Variants in AMPD2 observed in about 807,000 individuals in gnomAD.
The protein encoded by AMPD2 is adenosine monophosphate deaminase 2, also known as AMP deaminase 2.
A neutral mutation model predicts 91.3 loss-of-function variants in AMPD2; 52 were observed. That is an observed-to-expected ratio of 0.57 (90% CI 0.46 to 0.72). The LOEUF (loss-of-function observed/expected upper bound fraction) is 0.72, where lower values mean the gene tolerates loss of function less well. Ranked by LOEUF, AMPD2 falls within the 30% of genes least tolerant of loss-of-function variation. The probability of loss-of-function intolerance (pLI) is 0.00; values close to 1 mark genes in which losing one functional copy is unlikely to be tolerated. For synonymous variants in AMPD2, 455 were observed against 456.4 expected (o/e 1.00, Z 0.04); for missense variants, 822 against 1,122.3 (o/e 0.73, Z 3.82).
At chr1:109,622,090 TTGA>T in intron 2 of AMPD2, 1 of 406,670 alleles carries the variant, frequency 2.5e-6, no homozygotes, top group Admixed American at 2.6e-5. Flanking sequence ...CACCCTGACT[TTGA>T]TGACCAGATC....
rs1446416831 is a variant in AMPD2, at chr1:109,628,302, G to A, written c.1275+25G>A. ...GGTCTGTGCCAGTGGCGTGGGCTGT[G>A]GGACTGAGTCAGTCAGGGGACCAGG... is the stretch of plus-strand genomic sequence containing the variant. On this transcript the variant is annotated intron_variant, in intron 11 of 18. Coordinates refer to ENST00000528667, the MANE Select transcript of AMPD2 (RefSeq NM_001368809.2). The surrounding 1 kb of genome is among the most constrained non-coding windows in gnomAD (Gnocchi z 7.1). The A allele has an allele frequency of 6.2e-7, 1 of 1,612,884 alleles. No individual in the cohort carries two copies. Among genetic ancestry groups the A allele is most frequent in the Admixed American group, 1.7e-5 (1 of 60,004 alleles).
rs937902912 is a variant in AMPD2 at position 109,624,968 on chromosome 1, C to T, written c.92-335C>T. On this transcript the variant is annotated intron_variant, in intron 2 of 18. Coordinates refer to ENST00000528667, the MANE Select transcript of AMPD2 (RefSeq NM_001368809.2). The surrounding 1 kb of genome is among the most constrained non-coding windows in gnomAD (Gnocchi z 5.2). ...GTGCATGTGTGTGCACACGTACACACGTGCACCTGCCTCTGGGAGGTAGTC... is the reference window on the plus strand; with the variant it reads ...GTGCATGTGTGTGCACACGTACACATGTGCACCTGCCTCTGGGAGGTAGTC... 1.3e-5 allele frequency among the ~76,000 whole-genome samples: 2 copies of T among 152,148 alleles called. No homozygotes were observed. The highest frequency in any genetic ancestry group is 4.8e-5 in the African/African-American group (2 of 41,422).
At chr1:109,630,018 T>C (rs1651077316) in intron 16 of AMPD2, 102 bp downstream of exon 16, 4 of 1,510,110 alleles carry the variant, frequency 2.6e-6, no homozygotes, top group Non-Finnish European at 3.6e-6. Flanking sequence ...AGCCCTCAGA[T>C]TGGATTCTGC....
In AMPD2 at chr1:109,627,362, T is replaced by G. The variant is rs148304054; in HGVS notation, c.860+46T>G. 3.3e-4 allele frequency: 536 copies of G among 1,613,030 alleles called. 11 individuals carry two copies. The East Asian group carries it at 0.012, about 36-fold the overall frequency. ...GTTGGGGGGATGCAGCGTGGGAGGT[T>G]GCGTTGGCTTGGGAGAGGCCACAGG... On this transcript the variant is annotated intron_variant, in intron 8 of 18. Coordinates refer to ENST00000528667, the MANE Select transcript of AMPD2 (RefSeq NM_001368809.2).
chr1:109,626,176 C>T lies in AMPD2; in HGVS notation c.370C>T (p.Leu124=). 1.2e-6 allele frequency: 2 copies of T among 1,614,170 alleles called. No homozygotes were observed. The highest frequency in any genetic ancestry group is 2.7e-5 in the African/African-American group (2 of 75,056). ...SQDVKLEPDI[L]LRAKQDFLKT... ...TGCCTCTAGGCTGGAGCCAGACATC[C>T]TGCTTCGGGCCAAGCAAGATTTCCT... The change falls in exon 5 of 19, where the codon CTG becomes TTG. Residue 124 remains leucine (L), a synonymous_variant. Transcript: ENST00000528667.
intron 1 of AMPD2, 191 bp from the exon 2 acceptor site, chr1:109,620,722 CG>C: frequency 8.1e-7 from 1 of 1,227,936 alleles, no homozygotes; most frequent in Non-Finnish European, 1.0e-6. Flanking sequence ...TGGACTCGCT[CG>C]CTGCTGAATT....
In AMPD2 at chr1:109,628,240, C is replaced by T. The variant is rs1474754566; in HGVS notation, c.1238C>T (p.Ala413Val). Reference protein sequence around the residue: ...REVFESMNLTAYDLSVDTLDV... With the variant: ...REVFESMNLTVYDLSVDTLDV... ...GTCTTTGAGAGCATGAATCTCACGG[C>T]CTACGACCTGAGTGTGGACACGCTG... Residue 413 changes from alanine (A) to valine (V), a missense_variant, in exon 11 of 19, where the codon GCC (alanine) becomes GTC (valine). Around this residue, in one of 5 missense-constraint regions of AMPD2, gnomAD observed 430 missense variants for 606.0 expected, o/e 0.71. Transcript: ENST00000528667. This position sits in a 1 kb window ranked among gnomAD's most constrained non-coding sequence, Gnocchi z 7.1. 6.2e-7 allele frequency: 1 copy of T among 1,613,950 alleles called. No homozygotes were observed. The highest frequency in any genetic ancestry group is 8.5e-7 in the Non-Finnish European group (1 of 1,179,952).
chr1:109,621,023 C>T lies in AMPD2; in HGVS notation c.-153C>T. ...AGGTTGCCTAGACAACATGAGAAAT[C>T]GTGGCCAGGGCCTCTTCCGCCTGCG... is the stretch of plus-strand genomic sequence containing the variant. On this transcript the variant is annotated 5_prime_UTR_variant, in exon 2 of 19. Transcript: ENST00000528667. 1 of 1,590,218 alleles carries T rather than the reference C, an allele frequency of 6.3e-7. No individual in the cohort carries two copies. Among genetic ancestry groups the T allele is most frequent in the East Asian group, 2.2e-5 (1 of 44,660 alleles).
intron 16 of AMPD2, 74 bp from the exon 17 acceptor site, chr1:109,630,159 G>T (rs189573337): frequency 5.9e-6 from 9 of 1,533,714 alleles, no homozygotes; most frequent in African/African-American, 4.1e-5. Flanking sequence ...CTGTGGCCTG[G>T]ACCCCCAGAA....
At chr1:109,621,687 C>T (rs570823669) in intron 2 of AMPD2, among the ~76,000 whole-genome samples, 2 of 152,298 alleles carry the variant, frequency 1.3e-5, no homozygotes, top group East Asian at 3.9e-4. Flanking sequence ...GTGGCTAGTT[C>T]CACTTTTTAG....
intron 1 of AMPD2, 100 bp from the exon 2 acceptor site, chr1:109,620,814 T>G (rs1650183921): frequency 7.4e-7 from 1 of 1,347,346 alleles, no homozygotes; most frequent in Non-Finnish European, 9.6e-7. Flanking sequence ...CCGGGAGCCC[T>G]GGCATGATGG....
chr1:109,625,499 C>G lies in AMPD2; in HGVS notation c.222+66C>G. On this transcript the variant is annotated intron_variant, in intron 3 of 18. Transcript: ENST00000528667. The surrounding 1 kb of genome is among the most constrained non-coding windows in gnomAD (Gnocchi z 4.0). ...ATGCCCTGCCTCTGCTCCCCACACC[C>G]CTCACCTCAAGCTGTCCCCTCACCT... 6.2e-7 allele frequency: 1 copy of G among 1,608,296 alleles called. No individual in the cohort carries two copies. The highest frequency in any genetic ancestry group is 1.1e-5 in the South Asian group (1 of 90,640).
Position 109,628,756 on chromosome 1 carries a change from C to T in AMPD2, c.1521C>T (p.His507=). 6.3e-7 allele frequency: 1 copy of T among 1,591,854 alleles called. No individual in the cohort carries two copies. The highest frequency in any genetic ancestry group is 8.6e-7 in the Non-Finnish European group (1 of 1,168,456). Reference sequence around the variant, plus strand: ...AGCTGGCGCGCTGGGCCGTCATGCACCGCGTGCACTCCCCCAACGTGCGCT... The same window carrying T: ...AGCTGGCGCGCTGGGCCGTCATGCATCGCGTGCACTCCCCCAACGTGCGCT... ...WDKLARWAVM[H]RVHSPNVRWL... Residue 507 remains histidine, a synonymous_variant, in exon 13 of 19, where the codon CAC becomes CAT. Coordinates refer to ENST00000528667, the MANE Select transcript of AMPD2 (RefSeq NM_001368809.2). The surrounding 1 kb of genome is among the most constrained non-coding windows in gnomAD (Gnocchi z 7.1).
chr1:109,626,505 T>A, intron 6 of AMPD2, 78 bp downstream of exon 6: 1 of 1,422,382 alleles, frequency 7.0e-7, no homozygotes, highest in Non-Finnish European at 9.5e-7. Context: ...GAGCTGGGGG[T>A]GGGGGCTGGA....
intron 2 of AMPD2, among the ~76,000 whole-genome samples, chr1:109,623,258 A>G (rs1243073763): frequency 6.6e-6 from 1 of 152,164 alleles, no homozygotes; most frequent in Non-Finnish European, 1.5e-5. Context: ...GGGACCACTT[A>G]TCGCCCCACT....
chr1:109,630,623 G>A (rs1651150359), intron 17 of AMPD2, 60 bp from the exon 18 acceptor site: 1 of 1,462,168 alleles, frequency 6.8e-7, no homozygotes, highest in East Asian at 2.4e-5. Flanking sequence ...GGAGGCTGGG[G>A]AAGGGAGGCA....
Position 109,625,324 on chromosome 1 carries a change from C to T in AMPD2, c.113C>T (p.Ala38Val), listed in dbSNP as rs755728730. 28 of 1,612,858 alleles carry T rather than the reference C, an allele frequency of 1.7e-5. No homozygotes were observed. Among genetic ancestry groups the T allele is most frequent in the Non-Finnish European group, 1.9e-5 (23 of 1,179,796 alleles). Residue 38 changes from alanine (A) to valine (V), a missense_variant, in exon 3 of 19, where the codon GCC becomes GTC. This residue lies in a region of AMPD2 where 105 missense variants were observed against 125.0 expected (regional missense o/e 0.84). Transcript: ENST00000528667. This position sits in a 1 kb window ranked among gnomAD's most constrained non-coding sequence, Gnocchi z 4.0. ...AAPEARGGLG[A>V]PPLQSARSLP... ...GCAGAGGCTCGGGGTGGTCTGGGGG[C>T]CCCTCCGCTGCAGTCTGCCCGATCC...
At position 109,630,927 on chromosome 1, in the gene AMPD2, C is replaced by A. The variant is rs1651198270; in HGVS notation, c.2269-16C>A. 6.2e-7 allele frequency: 1 copy of A among 1,613,574 alleles called. No individual in the cohort carries two copies. The highest frequency in any genetic ancestry group is 1.3e-5 in the African/African-American group (1 of 75,046). On this transcript the variant is annotated splice_polypyrimidine_tract_variant and intron_variant, in intron 18 of 18. Coordinates refer to ENST00000528667, the MANE Select transcript of AMPD2 (RefSeq NM_001368809.2). ...GCACTGGCTGCAGCCCTGCCCATTA[C>A]CCCCGCTCCTTGCAGGTAAAGAGCC...
intron 2 of AMPD2, chr1:109,623,976 C>T (rs1298301705): frequency 1.3e-5 from 13 of 984,892 alleles, no homozygotes; most frequent in Non-Finnish European, 1.6e-5. Context: ...CCCCTGCTTG[C>T]AGCTGCACTT....
Sources: allele counts gnomAD v4.1 joint callset (sites outside exome capture counted in the v4.1 genomes callset), GRCh38; gene constraint gnomAD v4.1.1; regional missense constraint gnomAD v4.1.1; non-coding constraint Gnocchi (gnomAD v3.1); transcripts MANE v1.5; gene names NCBI Gene and HGNC (gene_info 2026-07-23, HGNC 2026-07-21).